The following CEP295 variants were observed in gnomAD, a reference collection of about 807,000 sequenced individuals.
CEP295 encodes the protein centrosomal protein 295.
Under a neutral mutation model 291.6 loss-of-function variants are expected in CEP295, and 190 were observed. The ratio of observed to expected loss-of-function variants is 0.65; its 90% CI spans 0.58 to 0.73. The LOEUF is 0.73. Among genes scored for constraint, CEP295 ranks in the 30% least tolerant of loss-of-function variants. The probability of loss-of-function intolerance (pLI) is 0.00; values close to 1 mark genes in which losing one functional copy is unlikely to be tolerated. For missense variants in CEP295, 2,863 were observed against 2,949.4 expected, an observed-to-expected ratio of 0.97 and a Z score of 0.68; for synonymous variants, 993 against 1,038.8, an observed-to-expected ratio of 0.96 and a Z score of 0.85.
At chr11:93,692,338 A>G (rs1951604268) in intron 12 of CEP295, among the ~76,000 whole-genome samples, 1 of 152,240 alleles carries the variant, frequency 6.6e-6, no homozygotes, top group Non-Finnish European at 1.5e-5. Flanking sequence ...TTTCTGATAC[A>G]ATGCTTTGTA....
At chr11:93,719,872 AAT>A (rs1249330957) in intron 18 of CEP295, among the ~76,000 whole-genome samples, 2 of 152,194 alleles carry the variant, frequency 1.3e-5, no homozygotes, top group Non-Finnish European at 2.9e-5. Flanking sequence ...CATAGACTAC[AAT>A]ATGTCTTGGT....
At chr11:93,722,838 G>A (rs1236600433) in intron 20 of CEP295, 2 of 429,170 alleles carry the variant, frequency 4.7e-6, no homozygotes, top group African/African-American at 2.0e-5. Context: ...GCTCTCCCGA[G>A]TAGCTGGGAC....
At chr11:93,729,023 T>C in intron 25 of CEP295, 1 of 538,434 alleles carries the variant, frequency 1.9e-6, no homozygotes, top group East Asian at 3.0e-5. Flanking sequence ...CCACTCCAAT[T>C]TATGCCTGTC....
Position 93,723,152 on chromosome 11 carries a change from G to T in CEP295, c.6059G>T (p.Arg2020Leu). The change falls in exon 21 of 30, where the codon CGG (arginine) becomes CTG (leucine). Residue 2020 changes from arginine (R) to leucine (L), a missense_variant. Arg to Leu is a moderately radical substitution (Grantham distance 102). Coordinates refer to ENST00000325212, the MANE Select transcript of CEP295 (RefSeq NM_033395.2). ...IVPSTQDIYQ[R>L]QNSSDVHKSL... is the part of the protein sequence containing the mutation. ...CCTTCAACACAAGATATTTATCAGC[G>T]GCAGAACTCTTCAGACGTTCATAAA... 1 of 1,551,972 alleles carries T rather than the reference G, an allele frequency of 6.4e-7. No individual in the cohort carries two copies. Among genetic ancestry groups the T allele is most frequent in the Non-Finnish European group, 8.7e-7 (1 of 1,147,026 alleles).
chr11:93,669,297 G>A (rs1027578529), intron 4 of CEP295, among the ~76,000 whole-genome samples: 2 of 152,010 alleles, frequency 1.3e-5, no homozygotes, highest in Non-Finnish European at 2.9e-5. Context: ...GAAGTCATTA[G>A]TATTTTTTGC....
chr11:93,671,700 TG>T (rs1359291918), intron 5 of CEP295, among the ~76,000 whole-genome samples: 3 of 152,188 alleles, frequency 2.0e-5, no homozygotes, highest in African/African-American at 7.2e-5. Flanking sequence ...TGTGAATTTA[TG>T]GCATAGAAGG....
chr11:93,721,183 TTTAAG>T, intron 18 of CEP295, 124 bp from the exon 19 acceptor site: 1 of 628,736 alleles, frequency 1.6e-6, no homozygotes, highest in Non-Finnish European at 2.8e-6. Flanking sequence ...ACAAGACAAC[TTTAAG>T]AAGCAAAATG....
In CEP295 at chr11:93,702,612, A is replaced by C; in HGVS notation, c.5427A>C (p.Ser1809=). ...RNNSDDNHLA[S]EDTSAKQSGE... ...ACTCTGATGATAATCATTTGGCTTC[A>C]GAAGATACTAGTGCCAAGCAAAGTG... Residue 1809 remains serine (S), a synonymous_variant, in exon 16 of 30, where the codon TCA becomes TCC. Coordinates refer to ENST00000325212, the MANE Select transcript of CEP295 (RefSeq NM_033395.2). 1 of 1,546,482 alleles carries C rather than the reference A, an allele frequency of 6.5e-7. No homozygotes were observed. The highest frequency in any genetic ancestry group is 1.2e-5 in the South Asian group (1 of 82,472).
At position 93,697,433 on chromosome 11, in the gene CEP295, A is replaced by ACCTTG; in HGVS notation, c.2522_2523insCTTGC (p.Ala842LeufsTer8). On this transcript the variant is annotated frameshift_variant, in exon 15 of 30. Coordinates refer to ENST00000325212, the MANE Select transcript of CEP295 (RefSeq NM_033395.2). LOFTEE classifies it high-confidence loss of function. ...GCCTTTGCTGCCGTCAGAGAATATC[A>ACCTTG]CAGCCCAGCAAGGTAATATGAAGGC... 6.4e-7 allele frequency: 1 copy of ACCTTG among 1,552,254 alleles called. No homozygotes were observed. The highest frequency in any genetic ancestry group is 8.7e-7 in the Non-Finnish European group (1 of 1,147,104).
At chr11:93,668,392 G>C (rs182270287) in intron 3 of CEP295, among the ~76,000 whole-genome samples, 25 of 152,062 alleles carry the variant, frequency 1.6e-4, no homozygotes, top group African/African-American at 6.0e-4. Context: ...AGTAATAGCC[G>C]TAAGTTCTGA....
intron 23 of CEP295, among the ~76,000 whole-genome samples, chr11:93,726,431 G>A (rs1954144128): frequency 6.6e-6 from 1 of 152,220 alleles, no homozygotes; most frequent in South Asian, 2.1e-4. Flanking sequence ...ACCATGCCCA[G>A]CCAGTTTAAG....
intron 1 of CEP295, among the ~76,000 whole-genome samples, chr11:93,663,282 C>G (rs1950069303): frequency 6.6e-6 from 1 of 152,168 alleles, no homozygotes; most frequent in Non-Finnish European, 1.5e-5. Context: ...GAGGGGTCTA[C>G]CCATTGTTAC....
Position 93,691,705 on chromosome 11 carries a change from A to G in CEP295, c.1359A>G (p.Thr453=), listed in dbSNP as rs769839564. 8 of 1,544,280 alleles carry G rather than the reference A, an allele frequency of 5.2e-6. No homozygotes were observed. The highest frequency in any genetic ancestry group is 2.4e-5 in the East Asian group (1 of 40,818). The change falls in exon 11 of 30, where the codon ACA becomes ACG. Residue 453 remains threonine, a synonymous_variant. Transcript: ENST00000325212. Reference sequence around the variant, plus strand: ...CAGTTGTTGAAAGTGATACACTAACAATTGAGTCTGGACCACTTGCTAGTG... The same window carrying G: ...CAGTTGTTGAAAGTGATACACTAACGATTGAGTCTGGACCACTTGCTAGTG... The part of the protein sequence containing the change: ...QEQVVESDTL[T]IESGPLASED...
chr11:93,727,764 G>A (rs1303006705), intron 24 of CEP295, 127 bp downstream of exon 24: 3 of 737,050 alleles, frequency 4.1e-6, no homozygotes, highest in Non-Finnish European at 4.3e-6. Context: ...CTAGGATCAA[G>A]GGATCCTCCT....
At chr11:93,713,422 T>C (rs1202315837) in intron 18 of CEP295, among the ~76,000 whole-genome samples, 1 of 152,198 alleles carries the variant, frequency 6.6e-6, no homozygotes, top group Non-Finnish European at 1.5e-5. Context: ...TCTAGGAAAG[T>C]CTTTGTTTCT....
At chr11:93,678,606 A>G (rs1950813662) in intron 6 of CEP295, among the ~76,000 whole-genome samples, 1 of 152,214 alleles carries the variant, frequency 6.6e-6, no homozygotes, top group Admixed American at 6.5e-5. Flanking sequence ...ATATTTACCT[A>G]TACTTGAAAG....
At position 93,669,676 on chromosome 11, in the gene CEP295, G is replaced by C. The variant is rs1950343542; in HGVS notation, c.435-1G>C. On this transcript the variant is annotated splice_acceptor_variant, in intron 4 of 29. Coordinates refer to ENST00000325212, the MANE Select transcript of CEP295 (RefSeq NM_033395.2). LOFTEE classifies it high-confidence loss of function. ...ATTGATGACATCTCTTGTTTCTTAA[G>C]GCATATAAAAGCTCGAAAGGAAGCA... The C allele has an allele frequency of 6.5e-7, 1 of 1,544,372 alleles. No homozygotes were observed. The highest frequency in any genetic ancestry group is 1.2e-5 in the South Asian group (1 of 83,874).
intron 1 of CEP295, among the ~76,000 whole-genome samples, chr11:93,665,233 T>G (rs1231652464): frequency 6.6e-6 from 1 of 152,244 alleles, no homozygotes; most frequent in Admixed American, 6.5e-5. Context: ...AAGTGTCTAA[T>G]TTTTTGGAAA....
chr11:93,696,927 A>G lies in CEP295; in HGVS notation c.2015A>G (p.Asp672Gly). Residue 672 changes from aspartate to glycine, a missense_variant, in exon 15 of 30, where the codon GAT (aspartate) becomes GGT (glycine). Asp to Gly is a moderately conservative substitution (Grantham distance 94). Transcript: ENST00000325212. ...ATACAGACCTCCAAATTAGAACAAG[A>G]TCATTTTCAGGTAGCGAGACAAAAT... ...QPIQTSKLEQDHFQVARQNHF... is the reference protein window; with the variant it reads ...QPIQTSKLEQGHFQVARQNHF... 1 of 1,552,068 alleles carries G rather than the reference A, an allele frequency of 6.4e-7. No individual in the cohort carries two copies.
Sources: gnomAD v4.1 joint callset for allele counts (sites outside exome capture counted in the v4.1 genomes callset) on GRCh38, gnomAD v4.1.1 for gene constraint, MANE v1.5 for transcripts, NCBI Gene and HGNC (gene_info 2026-07-23, HGNC 2026-07-21) for gene names.